ADNP: variants seen among roughly 807,000 people sequenced by gnomAD.
The protein encoded by ADNP is activity-dependent neuroprotector homeobox protein.
A neutral mutation model predicts 84.9 loss-of-function variants in ADNP; 4 were observed. The ratio of observed to expected loss-of-function variants is 0.05; its 90% confidence interval spans 0.02 to 0.11. The LOEUF is 0.11. Among genes scored for constraint, ADNP ranks in the 10% least tolerant of loss-of-function variants. The pLI is 1.00. For synonymous variants in ADNP, 554 were observed against 468.1 expected, an observed-to-expected ratio of 1.18 and a Z score of -2.37; for missense variants, 1,132 against 1,326.0, an observed-to-expected ratio of 0.85 and a Z score of 2.27.
chr20:50,919,301 A>ATATATATATATATG (rs2122962049), intron 2 of ADNP, among the ~76,000 whole-genome samples: 1 of 136,324 alleles, frequency 7.3e-6, no homozygotes, highest in African/African-American at 3.1e-5. Context: ...GTATATATAT[A>ATATATATATATATG]TATATATATA....
chr20:50,929,429 G>A (rs925283358), intron 1 of ADNP, among the ~76,000 whole-genome samples: 2 of 152,244 alleles, frequency 1.3e-5, no homozygotes, highest in African/African-American at 4.8e-5. Context: ...CCTTCGCCAT[G>A]TTGCTGTCAG....
intron 2 of ADNP, among the ~76,000 whole-genome samples, chr20:50,920,504 C>T (rs1983885296): frequency 6.7e-6 from 1 of 149,848 alleles, no homozygotes; most frequent in Admixed American, 6.7e-5. Flanking sequence ...TTCTTGCGCC[C>T]AGGAGGCAGA....
intron 2 of ADNP, among the ~76,000 whole-genome samples, chr20:50,915,168 CT>C (rs1983414574): frequency 6.6e-6 from 1 of 152,102 alleles, no homozygotes; most frequent in Non-Finnish European, 1.5e-5. Context: ...AAACATCATT[CT>C]TGTATTTGTG....
intron 2 of ADNP, among the ~76,000 whole-genome samples, chr20:50,907,219 C>T (rs924377276): frequency 5.9e-5 from 9 of 151,772 alleles, no homozygotes; most frequent in African/African-American, 2.2e-4. Context: ...ATCTTGTGAT[C>T]CGCCCATCTC....
intron 2 of ADNP, among the ~76,000 whole-genome samples, chr20:50,911,470 T>G (rs1983025966): frequency 6.6e-6 from 1 of 152,106 alleles, no homozygotes; most frequent in Non-Finnish European, 1.5e-5. Flanking sequence ...GTACATTATT[T>G]GGGTGATGGA....
At position 50,917,881 on chromosome 20, in the gene ADNP, G is replaced by C. The variant is rs577319553; in HGVS notation, c.-90+10770C>G. ...TGGGATATGATTGAACCATGAAAAAGAATAAAGTACCGACACATGTTCCAA... is the reference window on the plus strand; with the variant it reads ...TGGGATATGATTGAACCATGAAAAACAATAAAGTACCGACACATGTTCCAA... On this transcript the variant is annotated intron_variant, in intron 2 of 5. Transcript: ENST00000621696. Among the ~76,000 whole-genome samples the C allele has an allele frequency of 3.3e-5, 5 of 152,226 alleles. No homozygotes were observed. In the East Asian group the frequency reaches 7.7e-4, roughly 24 times the overall value.
intron 2 of ADNP, among the ~76,000 whole-genome samples, chr20:50,912,298 C>G (rs1220825341): frequency 6.6e-6 from 1 of 152,128 alleles, no homozygotes; most frequent in African/African-American, 2.4e-5. Context: ...AGGCACGCGC[C>G]ACCAGGCTGG....
rs1980478979 is a variant in ADNP at position 50,889,906 on chromosome 20, C to G, written c.*1499G>C. Reference sequence around the variant, plus strand: ...AGAGTGGCAAATAGAGGCAGAGCCGCCTGCACTACAGTTGTTCCCATCGTA... The same window carrying G: ...AGAGTGGCAAATAGAGGCAGAGCCGGCTGCACTACAGTTGTTCCCATCGTA... On this transcript the variant is annotated 3_prime_UTR_variant, in exon 6 of 6. Coordinates refer to ENST00000621696, the MANE Select transcript of ADNP (RefSeq NM_001282531.3). The G allele has an allele frequency of 2.5e-6, 1 of 398,466 alleles. No homozygotes were observed. Among genetic ancestry groups the G allele is most frequent in the Non-Finnish European group, 4.4e-6 (1 of 226,040 alleles). 24.7% of individuals were successfully genotyped at this position (398,466 alleles called of 1,614,324 possible).
chr20:50,925,407 T>C (rs1485527173), intron 2 of ADNP, among the ~76,000 whole-genome samples: 1 of 152,056 alleles, frequency 6.6e-6, no homozygotes, highest in Non-Finnish European at 1.5e-5. Flanking sequence ...ACCCCAAAAC[T>C]GGCAGATCGC....
intron 5 of ADNP, among the ~76,000 whole-genome samples, chr20:50,894,863 C>T (rs1981218064): frequency 6.6e-6 from 1 of 152,152 alleles, no homozygotes; most frequent in South Asian, 2.1e-4. Flanking sequence ...GGCCATTGCA[C>T]TCCAGCCTGG....
At chr20:50,910,509 C>T (rs1982926455) in intron 2 of ADNP, among the ~76,000 whole-genome samples, 1 of 152,114 alleles carries the variant, frequency 6.6e-6, no homozygotes, top group Non-Finnish European at 1.5e-5. Flanking sequence ...ATCACTTGAG[C>T]CCAGGAGTTC....
At chr20:50,894,577 T>C (rs1981189158) in intron 5 of ADNP, 65 bp from the exon 6 acceptor site, 1 of 1,491,892 alleles carries the variant, frequency 6.7e-7, no homozygotes, top group Non-Finnish European at 9.0e-7. Flanking sequence ...AGATTCCAGA[T>C]CCCCCCCGGA....
chr20:50,929,530 G>A (rs1204806428), intron 1 of ADNP, among the ~76,000 whole-genome samples: 1 of 152,136 alleles, frequency 6.6e-6, no homozygotes, highest in Non-Finnish European at 1.5e-5. Context: ...TTCTAGCTCG[G>A]GGGCCCTTCC....
At chr20:50,912,249 C>T (rs955904853) in intron 2 of ADNP, among the ~76,000 whole-genome samples, 2 of 152,152 alleles carry the variant, frequency 1.3e-5, no homozygotes, top group African/African-American at 4.8e-5. Context: ...CAGGTTCCAG[C>T]GATTCTCCCA....
Position 50,894,184 on chromosome 20 carries a change from T to G in ADNP, c.530A>C (p.Tyr177Ser). The change falls in exon 6 of 6, where the codon TAT becomes TCT. Residue 177 changes from tyrosine (Y) to serine (S), a missense_variant. Tyr to Ser is a moderately radical substitution (Grantham distance 144). Around this residue, in one of 10 missense-constraint regions of ADNP, gnomAD observed 130 missense variants for 183.7 expected, o/e 0.71. Coordinates refer to ENST00000621696, the MANE Select transcript of ADNP (RefSeq NM_001282531.3). Reference protein sequence around the residue: ...CKKCTYRDPLYEIVRKHIYRE... With the variant: ...CKKCTYRDPLSEIVRKHIYRE... ...GTAAATGTGCTTCCTAACTATTTCA[T>G]AAAGAGGATCTCGGTAAGTGCACTT... The G allele has an allele frequency of 6.2e-7, 1 of 1,614,176 alleles. No individual in the cohort carries two copies. The highest frequency in any genetic ancestry group is 8.5e-7 in the Non-Finnish European group (1 of 1,179,992).
chr20:50,926,687 T>A (rs567646391), intron 2 of ADNP, among the ~76,000 whole-genome samples: 4 of 152,334 alleles, frequency 2.6e-5, no homozygotes, highest in African/African-American at 9.6e-5. Context: ...ATATTTTATA[T>A]GTATGTGTAC....
chr20:50,900,621 T>C (rs1296967587), intron 5 of ADNP, among the ~76,000 whole-genome samples: 1 of 152,240 alleles, frequency 6.6e-6, no homozygotes, highest in Admixed American at 6.5e-5. Context: ...TAGATGTAGT[T>C]CATCACTGAC....
Position 50,889,904 on chromosome 20 carries a change from C to T in ADNP, c.*1501G>A, listed in dbSNP as rs1600921413. On this transcript the variant is annotated 3_prime_UTR_variant, in exon 6 of 6. Coordinates refer to ENST00000621696, the MANE Select transcript of ADNP (RefSeq NM_001282531.3). The stretch of plus-strand genomic sequence containing the variant: ...CAAGAGTGGCAAATAGAGGCAGAGC[C>T]GCCTGCACTACAGTTGTTCCCATCG... 1.0e-4 allele frequency: 40 copies of T among 398,348 alleles called. No individual in the cohort carries two copies. In the East Asian group the frequency reaches 1.3e-3, roughly 13 times the overall value. The allele number at this position is 398,348 out of a possible 1,614,324, so 24.7% of individuals were successfully genotyped here.
rs1303526432 is a variant in ADNP, at chr20:50,889,399, C to CTAAG, written c.*2002_*2005dup. ...TATCTTAATTTGGGGACATCCTGTC[C>CTAAG]TAAGTTTTGGCTGGTGCATGTAGAA... On this transcript the variant is annotated 3_prime_UTR_variant, in exon 6 of 6. Transcript: ENST00000621696. The CTAAG allele has an allele frequency of 6.5e-6, 1 of 152,724 alleles. No individual in the cohort carries two copies. The highest frequency in any genetic ancestry group is 1.9e-4 in the East Asian group (1 of 5,220). The allele number at this position is 152,724 out of a possible 1,614,324, so 9.5% of individuals were successfully genotyped here.
Sources: gnomAD v4.1 joint callset for allele counts (sites outside exome capture counted in the v4.1 genomes callset) on GRCh38, gnomAD v4.1.1 for gene constraint, gnomAD v4.1.1 regional missense constraint, MANE v1.5 for transcripts, NCBI Gene and HGNC (gene_info 2026-07-23, HGNC 2026-07-21) for gene names.